ACBD6: variants seen among roughly 807,000 people sequenced by gnomAD.
ACBD6 encodes the protein acyl-CoA binding domain containing 6, also known as acyl-CoA-binding domain-containing protein 6.
ACBD6 carries 28 observed loss-of-function variants against 37.2 expected under a neutral mutation model. That is an observed-to-expected ratio of 0.75 (90% CI 0.56 to 1.03). ACBD6 has a LOEUF of 1.03. ACBD6 is among the 50% of genes least tolerant of loss of function. The pLI, the probability that ACBD6 is intolerant of heterozygous loss-of-function variation, is 0.00. For missense variants in ACBD6, 340 were observed against 337.4 expected, an observed-to-expected ratio of 1.01 and a Z score of -0.06; for synonymous variants, 113 against 126.8, an observed-to-expected ratio of 0.89 and a Z score of 0.73.
chr1:180,302,089 G>A (rs1198313679), intron 7 of ACBD6, among the ~76,000 whole-genome samples: 6 of 151,926 alleles, frequency 3.9e-5, no homozygotes, highest in South Asian at 2.1e-4. Flanking sequence ...TAATGTAAAT[G>A]ATGAGTTAAT....
At chr1:180,449,922 T>TA (rs149873580) in intron 3 of ACBD6, among the ~76,000 whole-genome samples, 12,572 of 137,794 alleles carry the variant, frequency 0.091, 777 homozygotes, top group African/African-American at 0.18. Flanking sequence ...AAAAAAAACT[T>TA]AAAAAAAAAA....
rs571231185 is a variant in ACBD6 at position 180,345,236 on chromosome 1, T to C, written c.664-30514A>G. Among the ~76,000 whole-genome samples, 6 of 152,250 alleles carry C rather than the reference T, an allele frequency of 3.9e-5. No individual in the cohort carries two copies. The South Asian group carries it at 1.2e-3, about 32-fold the overall frequency. Reference sequence around the variant, plus strand: ...ATACCTTAATCCACTCTATTCTAAATCCCTTGATGGTGAATGACCAGAAGT... The same window carrying C: ...ATACCTTAATCCACTCTATTCTAAACCCCTTGATGGTGAATGACCAGAAGT... On this transcript the variant is annotated intron_variant, in intron 6 of 7. Coordinates refer to ENST00000367595, the MANE Select transcript of ACBD6 (RefSeq NM_032360.4).
chr1:180,378,848 C>A (rs972141829), intron 6 of ACBD6, among the ~76,000 whole-genome samples: 2 of 152,190 alleles, frequency 1.3e-5, no homozygotes, highest in African/African-American at 4.8e-5. Flanking sequence ...CCACCACCAC[C>A]AGTGGGGACC....
chr1:180,345,818 T>G (rs185572972), intron 6 of ACBD6, among the ~76,000 whole-genome samples: 1 of 152,310 alleles, frequency 6.6e-6, no homozygotes, highest in East Asian at 1.9e-4. Context: ...CCTACCACAA[T>G]GTAAACAGTA....
At chr1:180,466,587 G>A (rs1162327463) in intron 3 of ACBD6, among the ~76,000 whole-genome samples, 2 of 152,100 alleles carry the variant, frequency 1.3e-5, no homozygotes, top group Non-Finnish European at 2.9e-5. Context: ...ATTATTGGGT[G>A]TATTTATATT....
chr1:180,385,940 C>T (rs987154487), intron 6 of ACBD6, among the ~76,000 whole-genome samples: 3 of 152,142 alleles, frequency 2.0e-5, no homozygotes, highest in South Asian at 2.1e-4. Context: ...GAGGCCGAGG[C>T]GGGTGGACCA....
intron 7 of ACBD6, among the ~76,000 whole-genome samples, chr1:180,296,053 G>C (rs766041742): frequency 6.6e-6 from 1 of 152,156 alleles, no homozygotes; most frequent in African/African-American, 2.4e-5. Context: ...AAAAGTTCTT[G>C]AAGAAAATTA....
At chr1:180,385,473 T>C (rs1653812844) in intron 6 of ACBD6, among the ~76,000 whole-genome samples, 2 of 151,080 alleles carry the variant, frequency 1.3e-5, no homozygotes, top group Non-Finnish European at 2.9e-5. Context: ...TGTTATGGAC[T>C]AAATTGTGCT....
chr1:180,419,536 A>G (rs1648260811), intron 4 of ACBD6, among the ~76,000 whole-genome samples: 1 of 152,230 alleles, frequency 6.6e-6, no homozygotes. Flanking sequence ...GTTGACCCTT[A>G]AACAACACGG....
chr1:180,435,601 A>G (rs1649002825), intron 3 of ACBD6: 4 of 1,081,490 alleles, frequency 3.7e-6, no homozygotes, highest in Non-Finnish European at 4.2e-6. Context: ...GCAACTTTGC[A>G]GTTGGCTACA....
intron 6 of ACBD6, among the ~76,000 whole-genome samples, chr1:180,353,087 T>A (rs1202664703): frequency 1.3e-5 from 2 of 152,210 alleles, no homozygotes; most frequent in Admixed American, 1.3e-4. Flanking sequence ...ATCTTGTTTG[T>A]TTTTAGCATA....
At chr1:180,340,459 T>G (rs2149305966) in intron 6 of ACBD6, among the ~76,000 whole-genome samples, 1 of 151,990 alleles carries the variant, frequency 6.6e-6, no homozygotes, top group East Asian at 1.9e-4. Context: ...ATCAAGTGGG[T>G]TCAAGAGATT....
chr1:180,339,452 G>A lies in ACBD6; in HGVS notation c.664-24730C>T, dbSNP rs1312208453. On this transcript the variant is annotated intron_variant, in intron 6 of 7. Coordinates refer to ENST00000367595, the MANE Select transcript of ACBD6 (RefSeq NM_032360.4). ...AAGGACAAAAAACCAAACACCGCATGTTCTCACTCATAGGTGGGAATTGAA... is the reference window on the plus strand; with the variant it reads ...AAGGACAAAAAACCAAACACCGCATATTCTCACTCATAGGTGGGAATTGAA... Among the ~76,000 whole-genome samples, 4 of 152,178 alleles carry A rather than the reference G, an allele frequency of 2.6e-5. No individual in the cohort carries two copies. In the East Asian group the frequency reaches 7.7e-4, roughly 29 times the overall value.
At chr1:180,339,973 G>A (rs1358046789) in intron 6 of ACBD6, among the ~76,000 whole-genome samples, 1 of 152,092 alleles carries the variant, frequency 6.6e-6, no homozygotes. Flanking sequence ...GATGGTAAGG[G>A]AATAAGCTGT....
intron 3 of ACBD6, among the ~76,000 whole-genome samples, chr1:180,460,233 C>T (rs1650087804): frequency 6.6e-6 from 1 of 151,846 alleles, no homozygotes; most frequent in Non-Finnish European, 1.5e-5. Context: ...GGCCTCAAGC[C>T]ACTCCCACCA....
At chr1:180,339,006 G>A (rs112015877) in intron 6 of ACBD6, among the ~76,000 whole-genome samples, 7,748 of 152,234 alleles carry the variant, frequency 0.051, 636 homozygotes, top group African/African-American at 0.17. Context: ...AGTTAGAATG[G>A]CAATCATTAA....
At chr1:180,428,602 T>C (rs77377989) in intron 4 of ACBD6, among the ~76,000 whole-genome samples, 1 of 152,334 alleles carries the variant, frequency 6.6e-6, no homozygotes, top group East Asian at 1.9e-4. Flanking sequence ...TTGATTTGCT[T>C]CGTGTTCTGT....
At chr1:180,465,716 T>C (rs1364779099) in intron 3 of ACBD6, among the ~76,000 whole-genome samples, 1 of 152,142 alleles carries the variant, frequency 6.6e-6, no homozygotes, top group Admixed American at 6.5e-5. Context: ...CATATGAATG[T>C]TCACTGCAGC....
At chr1:180,293,427 C>A (rs1179961405) in intron 7 of ACBD6, among the ~76,000 whole-genome samples, 1 of 151,938 alleles carries the variant, frequency 6.6e-6, no homozygotes, top group Non-Finnish European at 1.5e-5. Flanking sequence ...CCTACCTCAG[C>A]CTCCTGAGTA....
Sources: allele counts gnomAD v4.1 joint callset (sites outside exome capture counted in the v4.1 genomes callset), GRCh38; gene constraint gnomAD v4.1.1; transcripts MANE v1.5; gene names NCBI Gene and HGNC (gene_info 2026-07-23, HGNC 2026-07-21).